Variants in SMURF1 observed in about 807,000 individuals in gnomAD.
SMURF1 encodes E3 ubiquitin-protein ligase SMURF1.
SMURF1 carries 44 observed loss-of-function variants against 98.0 expected under a neutral mutation model. The ratio of observed to expected loss-of-function variants is 0.45; its 90% CI spans 0.35 to 0.58. SMURF1 has a LOEUF of 0.58. Ranked by LOEUF, SMURF1 falls within the 20% of genes least tolerant of loss-of-function variation. The probability of loss-of-function intolerance (pLI) is 0.00; values close to 1 mark genes in which losing one functional copy is unlikely to be tolerated. For missense variants in SMURF1, 687 were observed against 938.4 expected (o/e 0.73, Z 3.50); for synonymous variants, 396 against 374.9 (o/e 1.06, Z -0.65).
intron 1 of SMURF1, among the ~76,000 whole-genome samples, chr7:99,113,214 C>T (rs1025798648): frequency 2.0e-5 from 3 of 152,112 alleles, no homozygotes; most frequent in Non-Finnish European, 4.4e-5. Flanking sequence ...GGGATACACA[C>T]AGGAACACAT....
chr7:99,045,580 A>G, intron 11 of SMURF1, 118 bp downstream of exon 11: 3 of 783,514 alleles, frequency 3.8e-6, no homozygotes, highest in Non-Finnish European at 6.4e-6. Flanking sequence ...GACTGCTCCA[A>G]GGAGACATCA....
Position 99,089,579 on chromosome 7 carries a change from T to G in SMURF1, c.56-27742A>C, listed in dbSNP as rs555646466. Among the ~76,000 whole-genome samples, 117 of 152,260 alleles carry G rather than the reference T, an allele frequency of 7.7e-4. 4 individuals carry two copies. The highest frequency in any genetic ancestry group is 7.5e-3 in the Admixed American group (115 of 15,292). On this transcript the variant is annotated intron_variant, in intron 1 of 17. Coordinates refer to ENST00000361368, the MANE Select transcript of SMURF1 (RefSeq NM_181349.3). ...TCACTTGAGCCCAGGAGTTCCAGGC[T>G]GCAGTCAGCCATGATCATACCATTG...
At chr7:99,111,922 AAGTGTGGG>A (rs1439149216) in intron 1 of SMURF1, among the ~76,000 whole-genome samples, 1 of 152,158 alleles carries the variant, frequency 6.6e-6, no homozygotes, top group Non-Finnish European at 1.5e-5. Context: ...TCAAGGGTAG[AAGTGTGGG>A]AGTGGTAGAG....
chr7:99,142,273 G>A (rs1346103860), intron 1 of SMURF1, among the ~76,000 whole-genome samples: 1 of 152,204 alleles, frequency 6.6e-6, no homozygotes, highest in Non-Finnish European at 1.5e-5. Context: ...AGCTTCCAAA[G>A]CCTCCAGTGA....
intron 1 of SMURF1, among the ~76,000 whole-genome samples, chr7:99,067,306 T>C (rs1040230957): frequency 1.3e-5 from 2 of 152,130 alleles, no homozygotes; most frequent in East Asian, 1.9e-4. Flanking sequence ...TTAGATCTAG[T>C]ATTTTTTAAA....
chr7:99,056,932 G>A (rs1795889164), intron 5 of SMURF1, among the ~76,000 whole-genome samples: 1 of 150,034 alleles, frequency 6.7e-6, no homozygotes, highest in Admixed American at 6.6e-5. Flanking sequence ...GAACCTGGGA[G>A]GCGGAGGTTG....
intron 1 of SMURF1, among the ~76,000 whole-genome samples, chr7:99,093,044 T>C (rs1796850937): frequency 6.6e-6 from 1 of 152,120 alleles, no homozygotes; most frequent in African/African-American, 2.4e-5. Flanking sequence ...ACACCAGTGG[T>C]CTTCACTCCC....
intron 9 of SMURF1, chr7:99,048,189 A>T: frequency 3.0e-6 from 1 of 333,998 alleles, no homozygotes; most frequent in Non-Finnish European, 5.8e-6. Context: ...GGAGTTCGAG[A>T]CCAGCCTGGA....
chr7:99,059,723 G>A (rs1056534438), intron 3 of SMURF1, among the ~76,000 whole-genome samples: 3 of 150,848 alleles, frequency 2.0e-5, no homozygotes, highest in African/African-American at 7.3e-5. Context: ...GCCTGGCCAA[G>A]ATGGTGAAAC....
At chr7:99,070,842 C>T (rs891067346) in intron 1 of SMURF1, among the ~76,000 whole-genome samples, 7 of 151,954 alleles carry the variant, frequency 4.6e-5, no homozygotes, top group Admixed American at 1.3e-4. Context: ...GTTTTGCAAG[C>T]GCCACAATGT....
intron 7 of SMURF1, 31 bp downstream of exon 7, chr7:99,052,174 G>T: frequency 6.7e-7 from 1 of 1,489,488 alleles, no homozygotes; most frequent in Non-Finnish European, 8.9e-7. Flanking sequence ...AGGGCAGATG[G>T]CATTGGCCAC....
At position 99,040,497 on chromosome 7, in the gene SMURF1, T is replaced by C; in HGVS notation, c.1431A>G (p.Gly477=). ...CTGTGAAGCCCCCGTTGATGTAGTG[T>C]CCATGGAACACAGCCAGCCCCATGA... The part of the protein sequence containing the change: ...GRIMGLAVFH[G]HYINGGFTVP... Residue 477 remains glycine, a synonymous_variant, in exon 13 of 18, where the codon GGA becomes GGG. Coordinates refer to ENST00000361368, the MANE Select transcript of SMURF1 (RefSeq NM_181349.3). 6.3e-7 allele frequency: 1 copy of C among 1,579,842 alleles called. No homozygotes were observed. The highest frequency in any genetic ancestry group is 8.6e-7 in the Non-Finnish European group (1 of 1,163,022).
intron 13 of SMURF1, among the ~76,000 whole-genome samples, chr7:99,039,541 A>G (rs984999128): frequency 2.0e-5 from 3 of 151,930 alleles, no homozygotes; most frequent in Non-Finnish European, 4.4e-5. Context: ...TAGGGACGGG[A>G]TTTCACCATG....
chr7:99,057,699 G>A (rs1282800794), intron 3 of SMURF1, 148 bp from the exon 4 acceptor site: 2 of 950,862 alleles, frequency 2.1e-6, no homozygotes, highest in Non-Finnish European at 2.9e-6. Flanking sequence ...CCAAGTTCAA[G>A]TGATTCTCCT....
At chr7:99,137,997 T>C (rs1227341887) in intron 1 of SMURF1, among the ~76,000 whole-genome samples, 2 of 152,320 alleles carry the variant, frequency 1.3e-5, no homozygotes, top group South Asian at 2.1e-4. Flanking sequence ...TTAGGGACTT[T>C]AGTCAGTCAG....
chr7:99,060,179 AC>A (rs1236442478), intron 3 of SMURF1, among the ~76,000 whole-genome samples: 2 of 152,002 alleles, frequency 1.3e-5, no homozygotes, highest in Non-Finnish European at 2.9e-5. Flanking sequence ...GGAGTTCAAG[AC>A]CAGCCTGGCC....
At chr7:99,126,381 G>C (rs374484581) in intron 1 of SMURF1, among the ~76,000 whole-genome samples, 1 of 150,888 alleles carries the variant, frequency 6.6e-6, no homozygotes, top group South Asian at 2.1e-4. Flanking sequence ...GGCTGGGCTG[G>C]GTGCAGTGGT....
rs372487750 is a variant in SMURF1, at chr7:99,052,302, C to G, written c.624G>C (p.Gln208His). The G allele has an allele frequency of 1.9e-6, 3 of 1,613,036 alleles. No homozygotes were observed. Among genetic ancestry groups the G allele is most frequent in the South Asian group, 2.2e-5 (2 of 90,604 alleles). The change falls in exon 7 of 18, where the codon CAG becomes CAC. Residue 208 changes from glutamine to histidine, a missense_variant. Transcript: ENST00000361368. ...CATCAGGGTTTCGAAGCCGCTGTGC[C>G]TGAAGTCTTTGATCTTGACTTGGGG... ...VESPSQDQRL[Q>H]AQRLRNPDVR...
At chr7:99,057,590 G>GT in intron 3 of SMURF1, 39 bp from the exon 4 acceptor site, 1 of 1,410,172 alleles carries the variant, frequency 7.1e-7, no homozygotes, top group East Asian at 2.6e-5. Flanking sequence ...AATTGTGTTT[G>GT]GTTTTTTTTG....
Sources: gnomAD v4.1 joint callset for allele counts (sites outside exome capture counted in the v4.1 genomes callset) on GRCh38, gnomAD v4.1.1 for gene constraint, MANE v1.5 for transcripts, NCBI Gene and HGNC (gene_info 2026-07-23, HGNC 2026-07-21) for gene names.